Variants in SEC24A observed in about 807,000 individuals in gnomAD.
SEC24A encodes the protein SEC24 homolog A, COPII component.
Under a neutral mutation model 129.4 loss-of-function variants are expected in SEC24A, and 93 were observed. That is an observed-to-expected ratio of 0.72 (90% confidence interval 0.61 to 0.85). The LOEUF (loss-of-function observed/expected upper bound fraction) is 0.85. Ranked by LOEUF, SEC24A falls within the 40% of genes least tolerant of loss-of-function variation. SEC24A has a pLI of 0.00. For missense variants in SEC24A, 1,264 were observed against 1,307.4 expected, an observed-to-expected ratio of 0.97 and a Z score of 0.51; for synonymous variants, 460 against 467.3, an observed-to-expected ratio of 0.98 and a Z score of 0.20.
rs1752791805 is a variant in SEC24A at position 134,727,841 on chromosome 5, C to G, written c.*2747C>G. The G allele has an allele frequency of 6.6e-6, 1 of 151,992 alleles. No individual in the cohort carries two copies. Among genetic ancestry groups the G allele is most frequent in the Admixed American group, 6.6e-5 (1 of 15,212 alleles). The allele number at this position is 151,992 out of a possible 1,614,324, so 9.4% of individuals were successfully genotyped here. A position where few individuals can be genotyped will look rare whatever the true frequency, so the allele number is the denominator to read the frequency against. ...AAAAAAAAGTCATTTGTAACCCATG[C>G]AGACCATTGTTTGATCTATGCTAAC... On this transcript the variant is annotated 3_prime_UTR_variant, in exon 23 of 23. Coordinates refer to ENST00000398844, the MANE Select transcript of SEC24A (RefSeq NM_021982.3).
At position 134,648,873 on chromosome 5, in the gene SEC24A, G is replaced by A; in HGVS notation, c.-204G>A. The stretch of plus-strand genomic sequence containing the variant: ...GCGGCCCCGCCGGCCCGACTCTCAA[G>A]CCTCAGCTCCCAGGCTAGGCTGTGG... On this transcript the variant is annotated 5_prime_UTR_variant, in exon 1 of 23. Transcript: ENST00000398844. 2.3e-6 allele frequency: 1 copy of A among 426,512 alleles called. No homozygotes were observed. Among genetic ancestry groups the A allele is most frequent in the Non-Finnish European group, 4.3e-6 (1 of 230,622 alleles). The allele number at this position is 426,512 out of a possible 1,614,324, so 26.4% of individuals were successfully genotyped here.
At chr5:134,696,790 AC>A (rs1751840492) in intron 13 of SEC24A, among the ~76,000 whole-genome samples, 1 of 145,920 alleles carries the variant, frequency 6.9e-6, no homozygotes, top group Non-Finnish European at 1.5e-5. Context: ...GAGCCACCGC[AC>A]CCGGCCATTT....
Position 134,649,120 on chromosome 5 carries a change from G to A in SEC24A, c.44G>A (p.Ser15Asn). ...GIPASGGAPA[S>N]LQAQNGAALA... The stretch of plus-strand genomic sequence containing the variant: ...CCGGCCTCCGGCGGCGCCCCAGCCA[G>A]CCTCCAGGCCCAGAACGGAGCCGCC... The change falls in exon 1 of 23, where the codon AGC (serine) becomes AAC (asparagine). Residue 15 changes from serine to asparagine, a missense_variant. By Grantham distance (46) the Ser-to-Asn change is conservative. Coordinates refer to ENST00000398844, the MANE Select transcript of SEC24A (RefSeq NM_021982.3). 1.9e-6 allele frequency: 3 copies of A among 1,610,378 alleles called. No homozygotes were observed. Among genetic ancestry groups the A allele is most frequent in the Non-Finnish European group, 2.5e-6 (3 of 1,178,440 alleles).
At chr5:134,685,919 G>C (rs755731105) in intron 9 of SEC24A, among the ~76,000 whole-genome samples, 5 of 151,978 alleles carry the variant, frequency 3.3e-5, no homozygotes, top group African/African-American at 4.8e-5. Flanking sequence ...AACCCAGGAG[G>C]CAGAGGTTGC....
intron 18 of SEC24A, among the ~76,000 whole-genome samples, chr5:134,710,742 A>G (rs904577335): frequency 7.2e-5 from 11 of 152,176 alleles, no homozygotes; most frequent in Non-Finnish European, 1.6e-4. Flanking sequence ...AAAAGAAGGA[A>G]AACTCTGGTC....
chr5:134,708,593 A>G (rs1752231365), intron 17 of SEC24A, 120 bp from the exon 18 acceptor site: 4 of 852,072 alleles, frequency 4.7e-6, no homozygotes, highest in South Asian at 3.8e-5. Flanking sequence ...TCATTTGTGT[A>G]TGTAGTAAAT....
chr5:134,675,164 G>A lies in SEC24A; in HGVS notation c.1098G>A (p.Lys366=), dbSNP rs1751015884. ...ERNMLPSTPL[K]PPVPNLHEDI... ...ACATGCTTCCGTCAACACCTTTGAA[G>A]CCTCCAGTTCCAAATTTGCATGAAG... is the stretch of plus-strand genomic sequence containing the variant. Residue 366 remains lysine, a synonymous_variant, in exon 6 of 23, where the codon AAG becomes AAA. Transcript: ENST00000398844. The A allele has an allele frequency of 6.2e-7, 1 of 1,613,628 alleles. No individual in the cohort carries two copies. Among genetic ancestry groups the A allele is most frequent in the South Asian group, 1.1e-5 (1 of 91,030 alleles).
At chr5:134,704,573 G>A (rs1752097204) in intron 16 of SEC24A, among the ~76,000 whole-genome samples, 1 of 152,036 alleles carries the variant, frequency 6.6e-6, no homozygotes, top group Non-Finnish European at 1.5e-5. Context: ...GGCTGACTAG[G>A]GAGGATCACT....
Position 134,674,744 on chromosome 5 carries a change from A to G in SEC24A, c.947A>G (p.Asn316Ser). 6.2e-7 allele frequency: 1 copy of G among 1,613,802 alleles called. No individual in the cohort carries two copies. Among genetic ancestry groups the G allele is most frequent in the Non-Finnish European group, 8.5e-7 (1 of 1,179,878 alleles). The change falls in exon 5 of 23, where the codon AAT becomes AGT. Residue 316 changes from asparagine to serine, a missense_variant. Transcript: ENST00000398844. ...ACTGGAGTACCACCCTCTTCCTTGAATTACCCAAGTGGGCCACAAGCCTTT... is the reference window on the plus strand; with the variant it reads ...ACTGGAGTACCACCCTCTTCCTTGAGTTACCCAAGTGGGCCACAAGCCTTT... ...GATGVPPSSL[N>S]YPSGPQAFTQ...
intron 13 of SEC24A, among the ~76,000 whole-genome samples, chr5:134,696,779 T>A (rs1262242630): frequency 6.6e-6 from 1 of 151,540 alleles, no homozygotes; most frequent in African/African-American, 2.4e-5. Flanking sequence ...ATTACAGGCG[T>A]GAGCCACCGC....
At chr5:134,671,969 AAACT>A in intron 4 of SEC24A, 83 bp downstream of exon 4, 2 of 827,708 alleles carry the variant, frequency 2.4e-6, no homozygotes, top group Non-Finnish European at 4.0e-6. Context: ...AATATATAGG[AAACT>A]AAGAGGGAAA....
chr5:134,699,411 G>C (rs1229791041), intron 15 of SEC24A, among the ~76,000 whole-genome samples: 1 of 150,482 alleles, frequency 6.6e-6, no homozygotes, highest in Non-Finnish European at 1.5e-5. Flanking sequence ...CCATTCTCCT[G>C]CCTCAGCCTC....
intron 15 of SEC24A, among the ~76,000 whole-genome samples, chr5:134,699,592 C>T (rs554283028): frequency 1.6e-4 from 24 of 152,194 alleles, no homozygotes; most frequent in African/African-American, 5.8e-4. Flanking sequence ...AGCTACCGCA[C>T]CTGGCCCATT....
intron 9 of SEC24A, among the ~76,000 whole-genome samples, chr5:134,684,510 C>T (rs569227878): frequency 1.3e-5 from 2 of 151,774 alleles, no homozygotes; most frequent in African/African-American, 2.4e-5. Flanking sequence ...GTCAGGAGTT[C>T]GACACCAGCC....
intron 17 of SEC24A, among the ~76,000 whole-genome samples, 164 bp from the exon 18 acceptor site, chr5:134,708,549 C>T (rs1752230342): frequency 6.6e-6 from 1 of 151,330 alleles, no homozygotes; most frequent in Admixed American, 6.6e-5. Context: ...TGGCTCAGTT[C>T]TCCAGACCAT....
intron 15 of SEC24A, among the ~76,000 whole-genome samples, chr5:134,700,197 T>C (rs1751963251): frequency 6.6e-6 from 1 of 151,162 alleles, no homozygotes; most frequent in African/African-American, 2.4e-5. Flanking sequence ...GGGTGTAGAG[T>C]GGTAATTTTC....
At chr5:134,679,861 T>G in intron 8 of SEC24A, 133 bp downstream of exon 8, 1 of 495,514 alleles carries the variant, frequency 2.0e-6, no homozygotes, top group South Asian at 7.1e-5. Context: ...CAGAGAAAAC[T>G]ACAGGTAACT....
intron 18 of SEC24A, among the ~76,000 whole-genome samples, chr5:134,713,998 AACCACT>A (rs1235652980): frequency 6.6e-6 from 1 of 151,894 alleles, no homozygotes; most frequent in African/African-American, 2.4e-5. Flanking sequence ...GCAGAGATCA[AACCACT>A]ACACTCCAGC....
chr5:134,678,410 A>C (rs1751141347), intron 7 of SEC24A, among the ~76,000 whole-genome samples: 1 of 151,850 alleles, frequency 6.6e-6, no homozygotes, highest in Non-Finnish European at 1.5e-5. Context: ...AGTACATTGT[A>C]AATTTACCAT....
Sources: allele counts gnomAD v4.1 joint callset (sites outside exome capture counted in the v4.1 genomes callset), GRCh38; gene constraint gnomAD v4.1.1; transcripts MANE v1.5; gene names NCBI Gene and HGNC (gene_info 2026-07-23, HGNC 2026-07-21).